Variants in CRTC3 observed in about 807,000 individuals in gnomAD.
CRTC3 encodes the protein CREB regulated transcription coactivator 3.
In CRTC3, 26 loss-of-function variants were observed where a neutral mutation model predicts 74.5. The observed-to-expected ratio is 0.35, with a 90% CI of 0.26 to 0.48. The LOEUF (loss-of-function observed/expected upper bound fraction) is 0.48. Ranked by LOEUF, CRTC3 falls within the 20% of genes least tolerant of loss-of-function variation. The probability of loss-of-function intolerance (pLI) is 0.99; values close to 1 mark genes in which losing one functional copy is unlikely to be tolerated. For missense variants in CRTC3, 760 were observed against 787.3 expected, an observed-to-expected ratio of 0.97 and a Z score of 0.41; for synonymous variants, 377 against 325.8, an observed-to-expected ratio of 1.16 and a Z score of -1.69.
chr15:90,579,332 C>CACT (rs890538606), intron 2 of CRTC3, among the ~76,000 whole-genome samples: 56 of 152,272 alleles, frequency 3.7e-4, no homozygotes, highest in African/African-American at 1.3e-3. Flanking sequence ...AGCTGTGCTC[C>CACT]ACTCTTCCCC....
At chr15:90,612,132 T>C (rs781619968) in intron 6 of CRTC3, among the ~76,000 whole-genome samples, 8 of 143,462 alleles carry the variant, frequency 5.6e-5, no homozygotes, top group Non-Finnish European at 3.0e-5. Context: ...CCCCTTCAGC[T>C]TCGCTTCCGG....
chr15:90,618,013 G>T (rs1401457980), intron 8 of CRTC3, 45 bp downstream of exon 8: 1 of 1,262,230 alleles, frequency 7.9e-7, no homozygotes, highest in East Asian at 2.3e-5. Flanking sequence ...CTGAATGTTT[G>T]TACTTAGAGG....
intron 2 of CRTC3, among the ~76,000 whole-genome samples, chr15:90,550,529 A>T (rs1966853397): frequency 6.6e-6 from 1 of 151,864 alleles, no homozygotes; most frequent in Non-Finnish European, 1.5e-5. Context: ...AAGGTTAAAC[A>T]AGCAGATGGC....
intron 2 of CRTC3, among the ~76,000 whole-genome samples, chr15:90,577,941 G>C (rs1172693425): frequency 6.6e-6 from 1 of 152,132 alleles, no homozygotes; most frequent in East Asian, 1.9e-4. Flanking sequence ...ATGGAGTCTC[G>C]CTCTGCTGCC....
chr15:90,558,972 G>A (rs1206209205), intron 2 of CRTC3, among the ~76,000 whole-genome samples: 1 of 151,900 alleles, frequency 6.6e-6, no homozygotes, highest in Non-Finnish European at 1.5e-5. Flanking sequence ...GGATGGTCTC[G>A]ATCTCCTGGC....
At chr15:90,634,784 G>A in intron 11 of CRTC3, 1 of 1,236,942 alleles carries the variant, frequency 8.1e-7, no homozygotes, top group Non-Finnish European at 1.2e-6. Context: ...TGGTTGGAAG[G>A]AGCGCTGCTA....
rs1040537260 is a variant in CRTC3 at position 90,643,665 on chromosome 15, C to T, written c.*1525C>T. On this transcript the variant is annotated 3_prime_UTR_variant, in exon 15 of 15. Coordinates refer to ENST00000268184, the MANE Select transcript of CRTC3 (RefSeq NM_022769.5). The stretch of plus-strand genomic sequence containing the variant: ...AATAGATGGGCCAGATTTCCACCAC[C>T]GCCTGCCTCCTCTAACTTGGGTGAT... 9.6e-5 allele frequency: 22 copies of T among 230,266 alleles called. No homozygotes were observed. Among genetic ancestry groups the T allele is most frequent in the Admixed American group, 4.5e-4 (8 of 17,662 alleles). The allele number at this position is 230,266 out of a possible 1,614,324, so 14.3% of individuals were successfully genotyped here.
At position 90,643,801 on chromosome 15, in the gene CRTC3, G is replaced by A. The variant is rs1969535360; in HGVS notation, c.*1661G>A. Reference sequence around the variant, plus strand: ...CTGAAGGAGAGACGGAAGATGCCAGGACCTTTGCTTGGACAGCCATTGCCC... The same window carrying A: ...CTGAAGGAGAGACGGAAGATGCCAGAACCTTTGCTTGGACAGCCATTGCCC... On this transcript the variant is annotated 3_prime_UTR_variant, in exon 15 of 15. Coordinates refer to ENST00000268184, the MANE Select transcript of CRTC3 (RefSeq NM_022769.5). The A allele has an allele frequency of 4.3e-6, 1 of 232,732 alleles. No individual in the cohort carries two copies. The highest frequency in any genetic ancestry group is 5.6e-5 in the Admixed American group (1 of 17,752). 14.4% of individuals were successfully genotyped at this position (232,732 alleles called of 1,614,324 possible).
chr15:90,629,279 A>C lies in CRTC3; in HGVS notation c.1013A>C (p.Asn338Thr), dbSNP rs751308480. ...RSNPSIQATLNKTVLSSSLNN... is the reference protein window; with the variant it reads ...RSNPSIQATLTKTVLSSSLNN... ...AACCCCTCCATCCAAGCCACGCTCA[A>C]TAAGACTGTGCTTTCCTCTTCCTTA... Residue 338 changes from asparagine to threonine, a missense_variant, in exon 11 of 15, where the codon AAT (asparagine) becomes ACT (threonine). This residue lies in a region of CRTC3 where 652 missense variants were observed against 635.2 expected (regional missense o/e 1.03). Coordinates refer to ENST00000268184, the MANE Select transcript of CRTC3 (RefSeq NM_022769.5). 1.6e-5 allele frequency: 26 copies of C among 1,614,098 alleles called. No individual in the cohort carries two copies. In the East Asian group the frequency reaches 5.6e-4, roughly 35 times the overall value.
At chr15:90,616,667 G>T (rs1385786134) in intron 7 of CRTC3, among the ~76,000 whole-genome samples, 1 of 152,160 alleles carries the variant, frequency 6.6e-6, no homozygotes, top group Non-Finnish European at 1.5e-5. Context: ...ACTCCTGAGG[G>T]CTGGCCCTTG....
At chr15:90,626,863 C>T (rs528544810) in intron 10 of CRTC3, among the ~76,000 whole-genome samples, 5 of 152,224 alleles carry the variant, frequency 3.3e-5, no homozygotes, top group Non-Finnish European at 2.9e-5. Context: ...GATCCACCCG[C>T]CTTGGCCTCC....
intron 9 of CRTC3, among the ~76,000 whole-genome samples, chr15:90,620,445 A>G (rs945726365): frequency 1.3e-5 from 2 of 152,244 alleles, no homozygotes; most frequent in Non-Finnish European, 2.9e-5. Flanking sequence ...TTACAAAAAT[A>G]TAGTACAAGC....
At chr15:90,620,296 T>G (rs909476516) in intron 9 of CRTC3, 1 of 152,408 alleles carries the variant, frequency 6.6e-6, no homozygotes, top group Non-Finnish European at 1.5e-5. Context: ...ATGGTATATT[T>G]ATTTTACAAC....
intron 10 of CRTC3, among the ~76,000 whole-genome samples, chr15:90,627,541 T>C (rs533878021): frequency 6.6e-6 from 1 of 152,306 alleles, no homozygotes; most frequent in Non-Finnish European, 1.5e-5. Context: ...GAAGATCTTA[T>C]GTTTAGTCAC....
chr15:90,607,527 T>C (rs1693191899), intron 6 of CRTC3, 49 bp downstream of exon 6: 1 of 1,183,510 alleles, frequency 8.4e-7, no homozygotes, highest in Non-Finnish European at 1.2e-6. Context: ...GCTCATTCTG[T>C]CCTAGGAACC....
chr15:90,593,777 A>C (rs2052425989), intron 3 of CRTC3, 22 bp downstream of exon 3: 5 of 1,578,634 alleles, frequency 3.2e-6, no homozygotes, highest in Non-Finnish European at 4.3e-6. Flanking sequence ...TACTCTTCAA[A>C]GGGAGTGTGC....
chr15:90,604,998 C>T (rs570817085), intron 5 of CRTC3, among the ~76,000 whole-genome samples: 1 of 152,178 alleles, frequency 6.6e-6, no homozygotes, highest in Non-Finnish European at 1.5e-5. Context: ...TGGTGGCTCA[C>T]GCCTATAGTC....
intron 1 of CRTC3, among the ~76,000 whole-genome samples, chr15:90,537,550 A>AT (rs975238086): frequency 2.0e-5 from 3 of 152,104 alleles, no homozygotes; most frequent in African/African-American, 7.2e-5. Context: ...TGCCTGGCTA[A>AT]TTTTTTTGTA....
chr15:90,575,148 G>C (rs542775382), intron 2 of CRTC3, among the ~76,000 whole-genome samples: 2 of 152,140 alleles, frequency 1.3e-5, no homozygotes, highest in Non-Finnish European at 2.9e-5. Flanking sequence ...TCAGCAGTTC[G>C]AGACCAGCCT....
Sources: allele counts gnomAD v4.1 joint callset (sites outside exome capture counted in the v4.1 genomes callset), GRCh38; gene constraint gnomAD v4.1.1; regional missense constraint gnomAD v4.1.1; transcripts MANE v1.5; gene names NCBI Gene and HGNC (gene_info 2026-07-23, HGNC 2026-07-21).